The following DNMBP variants were observed in gnomAD, a reference collection of about 807,000 sequenced individuals.
DNMBP encodes dynamin-binding protein.
Under a neutral mutation model 150.0 loss-of-function variants are expected in DNMBP, and 87 were observed. The ratio of observed to expected loss-of-function variants is 0.58; its 90% confidence interval spans 0.49 to 0.69. The LOEUF is 0.69. DNMBP is among the 30% of genes least tolerant of loss of function. The pLI, the probability that DNMBP is intolerant of heterozygous loss-of-function variation, is 0.00. For missense variants in DNMBP, 1,774 were observed against 1,949.0 expected (o/e 0.91, Z 1.69); for synonymous variants, 711 against 750.4 (o/e 0.95, Z 0.86).
In DNMBP at chr10:99,956,123, CTTCTAGGGGAAGAAGGTCGGGGTACTG is replaced by C; in HGVS notation, c.1324_1350del (p.Gln442_Glu450del). ...AGGCTGGCATAGTCTCTAGTCCTTG[CTTCTAGGGGAAGAAGGTCGGGGTACTG>C]TTCTGAGTGCGGGTGGCTCCCTCCC... On this transcript the variant is annotated inframe_deletion, in exon 4 of 17. Coordinates refer to ENST00000324109, the MANE Select transcript of DNMBP (RefSeq NM_015221.4). 6.2e-7 allele frequency: 1 copy of C among 1,614,138 alleles called. No individual in the cohort carries two copies. Among genetic ancestry groups the C allele is most frequent in the Non-Finnish European group, 8.5e-7 (1 of 1,180,014 alleles).
intron 1 of DNMBP, among the ~76,000 whole-genome samples, chr10:99,981,051 T>A (rs1333890243): frequency 6.6e-6 from 1 of 152,142 alleles, no homozygotes; most frequent in Admixed American, 6.6e-5. Context: ...AATTACTTAA[T>A]GCCACAAAAC....
chr10:99,928,422 T>G (rs1441546478), intron 4 of DNMBP, among the ~76,000 whole-genome samples: 1 of 152,166 alleles, frequency 6.6e-6, no homozygotes, highest in Non-Finnish European at 1.5e-5. Context: ...ACCTTTATCC[T>G]CTGGTCACAG....
At chr10:99,932,240 A>G (rs900695486) in intron 4 of DNMBP, among the ~76,000 whole-genome samples, 2 of 152,182 alleles carry the variant, frequency 1.3e-5, no homozygotes, top group Non-Finnish European at 2.9e-5. Context: ...ACTGCCTTAT[A>G]TGCTTTGTTA....
intron 4 of DNMBP, among the ~76,000 whole-genome samples, chr10:99,913,404 C>G (rs1482998178): frequency 6.6e-6 from 1 of 152,110 alleles, no homozygotes; most frequent in Non-Finnish European, 1.5e-5. Flanking sequence ...CCCGAATATG[C>G]CATCTGCACC....
At chr10:99,892,712 CTGCCAAATCCCCCTCTGTG>C (rs2039591604) in intron 11 of DNMBP, among the ~76,000 whole-genome samples, 1 of 149,406 alleles carries the variant, frequency 6.7e-6, no homozygotes, top group African/African-American at 2.5e-5. Context: ...TCCCATGACC[CTGCCAAATCCCCCTCTGTG>C]AGAAACACCC....
At chr10:99,977,369 T>C (rs1335007803) in intron 1 of DNMBP, among the ~76,000 whole-genome samples, 13 of 152,186 alleles carry the variant, frequency 8.5e-5, no homozygotes, top group Admixed American at 8.5e-4. Flanking sequence ...CAATCATAAA[T>C]GGCTTCTATA....
intron 12 of DNMBP, among the ~76,000 whole-genome samples, chr10:99,887,060 T>C (rs2039478275): frequency 6.6e-6 from 1 of 152,008 alleles, no homozygotes; most frequent in Admixed American, 6.6e-5. Flanking sequence ...TTTCATACAC[T>C]CATAAACCTT....
At chr10:99,957,593 T>C in intron 3 of DNMBP, 1 of 208,120 alleles carries the variant, frequency 4.8e-6, no homozygotes. Flanking sequence ...CCGAGCACTT[T>C]GGGAGGCCAA....
At chr10:99,968,790 T>C (rs1407879200) in intron 3 of DNMBP, among the ~76,000 whole-genome samples, 3 of 151,978 alleles carry the variant, frequency 2.0e-5, no homozygotes, top group Non-Finnish European at 4.4e-5. Flanking sequence ...GATCAGTTCA[T>C]ATTCTGAGGC....
chr10:99,887,749 A>G (rs909226891), intron 12 of DNMBP, among the ~76,000 whole-genome samples: 2 of 152,102 alleles, frequency 1.3e-5, no homozygotes, highest in Non-Finnish European at 2.9e-5. Flanking sequence ...AACCCCATCC[A>G]GTTTTTTCTA....
Position 99,956,394 on chromosome 10 carries a change from G to A in DNMBP, c.1080C>T (p.Pro360=). ...DCIISEAPTS[P]LGHLTSEYDT... ...CATACTCTGAAGTCAGATGACCGAG[G>A]GGAGAAGTGGGTGCTTCAGAAATAA... The change falls in exon 4 of 17, where the codon CCC becomes CCT. Residue 360 remains proline (P), a synonymous_variant. Coordinates refer to ENST00000324109, the MANE Select transcript of DNMBP (RefSeq NM_015221.4). 1 of 1,614,060 alleles carries A rather than the reference G, an allele frequency of 6.2e-7. No individual in the cohort carries two copies. Among genetic ancestry groups the A allele is most frequent in the Non-Finnish European group, 8.5e-7 (1 of 1,180,028 alleles).
At chr10:99,914,427 G>A (rs1030326591) in intron 4 of DNMBP, among the ~76,000 whole-genome samples, 1 of 152,160 alleles carries the variant, frequency 6.6e-6, no homozygotes, top group East Asian at 1.9e-4. Context: ...GCAAAACTGT[G>A]AAGTGGGCAG....
At position 99,955,939 on chromosome 10, in the gene DNMBP, G is replaced by A. The variant is rs980579306; in HGVS notation, c.1535C>T (p.Ser512Phe). Reference protein sequence around the residue: ...LASYTKKHHTSSVYSISERLE... With the variant: ...LASYTKKHHTFSVYSISERLE... ...TCTCTCTGAGATGGAGTAAACACTGGACGTGTGGTGCTTTTTAGTATAACT... is the reference window on the plus strand; with the variant it reads ...TCTCTCTGAGATGGAGTAAACACTGAACGTGTGGTGCTTTTTAGTATAACT... The change falls in exon 4 of 17, where the codon TCC becomes TTC. Residue 512 changes from serine (S) to phenylalanine (F), a missense_variant. By Grantham distance (155) the Ser-to-Phe change is radical. Transcript: ENST00000324109. 25 of 1,614,104 alleles carry A rather than the reference G, an allele frequency of 1.5e-5. No individual in the cohort carries two copies. Among genetic ancestry groups the A allele is most frequent in the Non-Finnish European group, 1.9e-5 (23 of 1,180,056 alleles).
intron 1 of DNMBP, among the ~76,000 whole-genome samples, chr10:100,000,018 T>C (rs2040992594): frequency 6.6e-6 from 1 of 152,208 alleles, no homozygotes; most frequent in African/African-American, 2.4e-5. Flanking sequence ...TTATGGTGTA[T>C]TTGTGGCAGC....
intron 4 of DNMBP, among the ~76,000 whole-genome samples, chr10:99,919,711 T>C (rs1425273372): frequency 1.3e-5 from 2 of 152,192 alleles, no homozygotes; most frequent in African/African-American, 4.8e-5. Flanking sequence ...CGCTTGAACC[T>C]GGGAAGCGGA....
chr10:99,972,077 G>A lies in DNMBP; in HGVS notation c.48C>T (p.Ser16=), dbSNP rs776808505. 1.5e-5 allele frequency: 25 copies of A among 1,613,716 alleles called. No homozygotes were observed. Among genetic ancestry groups the A allele is most frequent in the African/African-American group, 1.1e-4 (8 of 74,822 alleles). The change falls in exon 2 of 17, where the codon AGC becomes AGT. Residue 16 remains serine (S), a synonymous_variant. Coordinates refer to ENST00000324109, the MANE Select transcript of DNMBP (RefSeq NM_015221.4). ...CAAAGAGCGGCAGTTCTTCTGATAC[G>A]CTAGGGCAGAAGTCAAAAATGGCTC... is the stretch of plus-strand genomic sequence containing the variant. The part of the protein sequence containing the change: ...VVRAIFDFCP[S]VSEELPLFVG...
chr10:100,005,787 A>AAAAC (rs1564761728), intron 1 of DNMBP, among the ~76,000 whole-genome samples: 1 of 115,928 alleles, frequency 8.6e-6, no homozygotes, highest in African/African-American at 4.2e-5. Flanking sequence ...AAAAAAAACC[A>AAAAC]AACTACATAA....
rs146076720 is a variant in DNMBP at position 100,005,947 on chromosome 10, T to G, written c.-11+3891A>C. Among the ~76,000 whole-genome samples, 77 of 152,266 alleles carry G rather than the reference T, an allele frequency of 5.1e-4. No individual in the cohort carries two copies. The East Asian group carries it at 0.014, about 27-fold the overall frequency. ...ACATGAGATGAATGGGACAAGGGAA[T>G]TCTACAACAAAACCAATCTTTTAGA... On this transcript the variant is annotated intron_variant, in intron 1 of 16. Coordinates refer to ENST00000324109, the MANE Select transcript of DNMBP (RefSeq NM_015221.4).
chr10:99,955,039 C>T (rs7914908), intron 4 of DNMBP, among the ~76,000 whole-genome samples, 175 bp downstream of exon 4: 47,751 of 145,542 alleles, frequency 0.33, 7,741 homozygotes, highest in African/African-American at 0.35. Context: ...GGCAACAGAG[C>T]GAGACTGTCT....
Sources: gnomAD v4.1 joint callset for allele counts (sites outside exome capture counted in the v4.1 genomes callset) on GRCh38, gnomAD v4.1.1 for gene constraint, MANE v1.5 for transcripts, NCBI Gene and HGNC (gene_info 2026-07-23, HGNC 2026-07-21) for gene names.